TXLNB: variants seen among roughly 807,000 people sequenced by gnomAD.
TXLNB encodes taxilin beta.
TXLNB carries 37 observed loss-of-function variants against 57.4 expected under a neutral mutation model. The ratio of observed to expected loss-of-function variants is 0.64; its 90% CI spans 0.50 to 0.85. TXLNB has a LOEUF of 0.85. Among genes scored for constraint, TXLNB ranks in the 40% least tolerant of loss-of-function variants. The pLI is 0.00. For synonymous variants in TXLNB, 302 were observed against 309.6 expected, an observed-to-expected ratio of 0.98 and a Z score of 0.26; for missense variants, 848 against 825.6, an observed-to-expected ratio of 1.03 and a Z score of -0.33.
chr6:139,272,548 A>T (rs1776791138), intron 3 of TXLNB, among the ~76,000 whole-genome samples: 1 of 152,228 alleles, frequency 6.6e-6, no homozygotes, highest in South Asian at 2.1e-4. Context: ...AACAAAACCC[A>T]TATTACTAAA....
chr6:139,224,914 C>T, the TXLNB span, among the ~76,000 whole-genome samples: 5 of 152,052 alleles, frequency 3.3e-5, no homozygotes, highest in Non-Finnish European at 5.9e-5. Flanking sequence ...AGAATCTCTC[C>T]CATGAACATA....
the TXLNB span, chr6:139,166,995 G>A: frequency 1.8e-5 from 29 of 1,614,104 alleles, no homozygotes; most frequent in Non-Finnish European, 5.1e-6. Flanking sequence ...AGCCCTGCGG[G>A]GTTGGCAGTT....
At chr6:139,215,381 T>C in the TXLNB span, among the ~76,000 whole-genome samples, 5 of 152,146 alleles carry the variant, frequency 3.3e-5, no homozygotes, top group Non-Finnish European at 7.4e-5. Context: ...GGGGAAAGGA[T>C]TCCCTATTTA....
At chr6:139,318,269 C>CAA in the TXLNB span, among the ~76,000 whole-genome samples, 3,553 of 56,480 alleles carry the variant, frequency 0.063, 137 homozygotes, top group South Asian at 0.11. Context: ...GACTCTGTCT[C>CAA]AAAAAAAAAA....
the TXLNB span, among the ~76,000 whole-genome samples, chr6:139,162,104 C>T: frequency 1.3e-5 from 2 of 152,094 alleles, no homozygotes; most frequent in Non-Finnish European, 1.5e-5. Context: ...CCAGTGGTGC[C>T]GGAAACACTA....
chr6:139,311,916 G>T, the TXLNB span, among the ~76,000 whole-genome samples: 2 of 152,126 alleles, frequency 1.3e-5, no homozygotes, highest in Non-Finnish European at 2.9e-5. Context: ...TGCAAATGGT[G>T]TATTACATGA....
At chr6:139,277,938 G>A (rs1583022361) in intron 2 of TXLNB, among the ~76,000 whole-genome samples, 3 of 152,218 alleles carry the variant, frequency 2.0e-5, no homozygotes, top group East Asian at 1.9e-4. Flanking sequence ...TTTCATCTTG[G>A]AGAGGCATAT....
chr6:139,290,308 A>C (rs1777275810), intron 1 of TXLNB, among the ~76,000 whole-genome samples: 1 of 152,144 alleles, frequency 6.6e-6, no homozygotes, highest in South Asian at 2.1e-4. Context: ...TGAACTTGGG[A>C]GGCGGAGGCT....
intron 8 of TXLNB, among the ~76,000 whole-genome samples, chr6:139,246,690 G>A (rs1041979307): frequency 6.6e-6 from 1 of 152,052 alleles, no homozygotes; most frequent in African/African-American, 2.4e-5. Context: ...CGTGGTGGGT[G>A]GATCACATGA....
Position 139,241,631 on chromosome 6 carries a change from GGAGA to G in TXLNB, c.*891_*894del, listed in dbSNP as rs1358161765. The G allele has an allele frequency of 6.6e-6, 1 of 152,242 alleles. No individual in the cohort carries two copies. The highest frequency in any genetic ancestry group is 1.5e-5 in the Non-Finnish European group (1 of 68,076). The allele number at this position is 152,242 out of a possible 1,614,324, so 9.4% of individuals were successfully genotyped here. A position where few individuals can be genotyped will look rare whatever the true frequency, so the allele number is the denominator to read the frequency against. ...GCAAAGCAATGGGCTGAGAAGTGTA[GGAGA>G]AGCAGCTCCAAGAGGTGAGCTTGTG... On this transcript the variant is annotated 3_prime_UTR_variant, in exon 10 of 10. Transcript: ENST00000358430.
At chr6:139,308,294 C>T in the TXLNB span, among the ~76,000 whole-genome samples, 113 of 152,296 alleles carry the variant, frequency 7.4e-4, 1 homozygote, top group East Asian at 0.02. Flanking sequence ...CTAAGCGATA[C>T]AACTACCTGC....
chr6:139,183,447 T>A, the TXLNB span: 2 of 152,208 alleles, frequency 1.3e-5, no homozygotes, highest in Non-Finnish European at 2.9e-5. Context: ...TGAAGCTGTT[T>A]TAAATGTGAA....
rs532113301 is a variant in TXLNB, at chr6:139,284,922, A to G, written c.424+3554T>C. ...TAGCCTAAAAATGTTGTTTTCATGC[A>G]TAATGTAGCTGTTAAATAGTACAGT... is the stretch of plus-strand genomic sequence containing the variant. On this transcript the variant is annotated intron_variant, in intron 2 of 9. Coordinates refer to ENST00000358430, the MANE Select transcript of TXLNB (RefSeq NM_153235.4). Among the ~76,000 whole-genome samples the G allele has an allele frequency of 5.6e-4, 82 of 146,150 alleles. 16 individuals are homozygous for G. In the South Asian group the frequency reaches 0.018, roughly 32 times the overall value.
chr6:139,277,202 GTTC>G (rs1776921233), intron 2 of TXLNB: 1 of 298,146 alleles, frequency 3.4e-6, no homozygotes, highest in East Asian at 6.5e-5. Context: ...ACAAGAATCC[GTTC>G]TTATTTCTCC....
chr6:139,299,153 T>A, the TXLNB span, among the ~76,000 whole-genome samples: 2 of 152,200 alleles, frequency 1.3e-5, no homozygotes, highest in Non-Finnish European at 2.9e-5. Context: ...CATTGGCTTG[T>A]TCCCATTGGC....
At chr6:139,203,023 G>C in the TXLNB span, among the ~76,000 whole-genome samples, 1 of 152,056 alleles carries the variant, frequency 6.6e-6, no homozygotes, top group South Asian at 2.1e-4. Flanking sequence ...GTGAAAGACT[G>C]GATTTCATTC....
intron 2 of TXLNB, 120 bp from the exon 3 acceptor site, chr6:139,277,041 T>A: frequency 1.5e-6 from 1 of 679,836 alleles, no homozygotes; most frequent in South Asian, 2.1e-5. Context: ...ATTCATCTTA[T>A]CAGATGTAAT....
chr6:139,249,105 T>A (rs1384615129), intron 7 of TXLNB, among the ~76,000 whole-genome samples: 1 of 152,220 alleles, frequency 6.6e-6, no homozygotes, highest in Non-Finnish European at 1.5e-5. Context: ...GCCAAGTGTA[T>A]GGCTCACCAT....
At chr6:139,212,649 G>A in the TXLNB span, among the ~76,000 whole-genome samples, 1 of 152,132 alleles carries the variant, frequency 6.6e-6, no homozygotes, top group South Asian at 2.1e-4. Flanking sequence ...AAATGTAAAT[G>A]GGCTAAATGC....
Sources: gnomAD v4.1 joint callset for allele counts (sites outside exome capture counted in the v4.1 genomes callset) on GRCh38, gnomAD v4.1.1 for gene constraint, MANE v1.5 for transcripts, NCBI Gene and HGNC (gene_info 2026-07-23, HGNC 2026-07-21) for gene names.